ADD2: variants seen among roughly 807,000 people sequenced by gnomAD.
The protein encoded by ADD2 is beta-adducin.
Under a neutral mutation model 83.0 loss-of-function variants are expected in ADD2, and 23 were observed. The observed-to-expected ratio is 0.28, with a 90% CI of 0.20 to 0.39. ADD2 has a LOEUF of 0.39. Among genes scored for constraint, ADD2 ranks in the 10% least tolerant of loss-of-function variants. The pLI is 1.00. For synonymous variants in ADD2, 375 were observed against 375.4 expected (o/e 1.00, Z 0.01); for missense variants, 758 against 944.9 (o/e 0.80, Z 2.59).
At position 70,702,701 on chromosome 2, in the gene ADD2, GA is replaced by G. The variant is rs77903261; in HGVS notation, c.322+1619del. Among the ~76,000 whole-genome samples, 268 of 141,344 alleles carry G rather than the reference GA, an allele frequency of 1.9e-3. 1 individual carries two copies. Among genetic ancestry groups the G allele is most frequent in the South Asian group, 9.6e-3 (43 of 4,486 alleles). 92.7% of individuals were successfully genotyped at this position (141,344 alleles called of 152,430 possible). ...AAACTAAAAGACAAAGGAGAAACTG[GA>G]AAAAAAAAAAGCAATATATTTGACA... On this transcript the variant is annotated intron_variant, in intron 4 of 15. Coordinates refer to ENST00000264436, the MANE Select transcript of ADD2 (RefSeq NM_001617.4).
intron 2 of ADD2, among the ~76,000 whole-genome samples, chr2:70,710,184 C>T (rs1234457797): frequency 6.6e-6 from 1 of 152,208 alleles, no homozygotes; most frequent in Non-Finnish European, 1.5e-5. Flanking sequence ...GGCATGTGAG[C>T]CCCCTGTGCT....
chr2:70,747,852 T>C (rs539409774), intron 1 of ADD2, among the ~76,000 whole-genome samples: 1 of 152,350 alleles, frequency 6.6e-6, no homozygotes, highest in South Asian at 2.1e-4. Context: ...TCCTTTGCAC[T>C]CAATGGGATT....
intron 1 of ADD2, among the ~76,000 whole-genome samples, chr2:70,713,420 G>A (rs113083946): frequency 0.034 from 5,127 of 152,280 alleles, 267 homozygotes; most frequent in African/African-American, 0.12. Flanking sequence ...GGACCATCCA[G>A]GCCAATATGG....
intron 1 of ADD2, among the ~76,000 whole-genome samples, chr2:70,713,544 G>C (rs1672308269): frequency 6.6e-6 from 1 of 152,202 alleles, no homozygotes; most frequent in Admixed American, 6.5e-5. Flanking sequence ...CCGGGAGGTG[G>C]AGGTTGCAGT....
intron 1 of ADD2, among the ~76,000 whole-genome samples, chr2:70,725,617 T>C (rs1672950244): frequency 6.6e-6 from 1 of 151,886 alleles, no homozygotes; most frequent in South Asian, 2.1e-4. Flanking sequence ...GAGGCAGAGA[T>C]TGGAGTGAGG....
intron 4 of ADD2, among the ~76,000 whole-genome samples, chr2:70,703,810 C>T (rs894912095): frequency 6.6e-6 from 1 of 152,164 alleles, no homozygotes; most frequent in African/African-American, 2.4e-5. Flanking sequence ...AATATGAGGG[C>T]TTTAAGAACA....
In ADD2 at chr2:70,721,654, AGTGTGG is replaced by A. The variant is rs1553377406; in HGVS notation, c.-153-8476_-153-8471del. Reference sequence around the variant, plus strand: ...AAAGCCACGTGTTTTCTGGAAATCAAGTGTGGTGCACACATAATTAATAGTGACTTT... The same window carrying A: ...AAAGCCACGTGTTTTCTGGAAATCAATGCACACATAATTAATAGTGACTTT... On this transcript the variant is annotated intron_variant, in intron 1 of 15. Coordinates refer to ENST00000264436, the MANE Select transcript of ADD2 (RefSeq NM_001617.4). 3.3e-5 allele frequency among the ~76,000 whole-genome samples: 5 copies of A among 152,262 alleles called. No homozygotes were observed. In the East Asian group the frequency reaches 9.6e-4, roughly 29 times the overall value.
chr2:70,749,472 T>C (rs1000210162), intron 1 of ADD2, among the ~76,000 whole-genome samples: 6 of 152,132 alleles, frequency 3.9e-5, no homozygotes, highest in Non-Finnish European at 7.4e-5. Context: ...GGAAGTTATA[T>C]GTGTGGCAGT....
At chr2:70,760,202 T>G (rs1675008651) in intron 1 of ADD2, among the ~76,000 whole-genome samples, 1 of 152,214 alleles carries the variant, frequency 6.6e-6, no homozygotes, top group Non-Finnish European at 1.5e-5. Flanking sequence ...GGTGCCATCT[T>G]GAAACCTACA....
chr2:70,724,497 G>A (rs1015038543), intron 1 of ADD2, among the ~76,000 whole-genome samples: 16 of 151,262 alleles, frequency 1.1e-4, no homozygotes, highest in African/African-American at 3.4e-4. Flanking sequence ...ACTGCTCCCC[G>A]ACACACACTA....
chr2:70,719,181 T>A (rs1009110921), intron 1 of ADD2, among the ~76,000 whole-genome samples: 2 of 152,174 alleles, frequency 1.3e-5, no homozygotes, highest in Non-Finnish European at 2.9e-5. Context: ...CCACCTGCAC[T>A]CCCAGGGCTG....
chr2:70,678,973 A>G lies in ADD2; in HGVS notation c.1126-12T>C. 6.3e-7 allele frequency: 1 copy of G among 1,596,244 alleles called. No homozygotes were observed. Among genetic ancestry groups the G allele is most frequent in the South Asian group, 1.1e-5 (1 of 87,804 alleles). On this transcript the variant is annotated splice_polypyrimidine_tract_variant and intron_variant, in intron 10 of 15. Transcript: ENST00000264436. ...CCTGTTCTGTAGCCCTATAAAGGAC[A>G]AAAATAGAACCACTTATGGGGTGAG...
intron 9 of ADD2, among the ~76,000 whole-genome samples, chr2:70,684,484 A>T (rs1553370207): frequency 6.6e-6 from 1 of 152,168 alleles, no homozygotes; most frequent in Non-Finnish European, 1.5e-5. Context: ...CCTGGGCTCA[A>T]GCAATCTACC....
At chr2:70,712,443 C>A (rs1289230408) in intron 2 of ADD2, among the ~76,000 whole-genome samples, 99 of 123,184 alleles carry the variant, frequency 8.0e-4, no homozygotes, top group South Asian at 1.4e-3. Flanking sequence ...GACCCTGTCT[C>A]AAAAAAAATA....
At chr2:70,739,395 A>C (rs948069737) in intron 1 of ADD2, among the ~76,000 whole-genome samples, 2 of 152,378 alleles carry the variant, frequency 1.3e-5, no homozygotes, top group Admixed American at 6.5e-5. Flanking sequence ...GATACTGGCA[A>C]GGTTGCAGAG....
chr2:70,695,248 C>T (rs145507403), intron 6 of ADD2, among the ~76,000 whole-genome samples: 2 of 152,144 alleles, frequency 1.3e-5, no homozygotes, highest in Non-Finnish European at 2.9e-5. Flanking sequence ...TTTCCTCCCC[C>T]CATCTGGAAA....
chr2:70,669,716 G>A (rs1227012084), intron 15 of ADD2, among the ~76,000 whole-genome samples: 3 of 152,230 alleles, frequency 2.0e-5, no homozygotes, highest in African/African-American at 7.2e-5. Flanking sequence ...GCAGGCCTCA[G>A]GCCAAAGACT....
At chr2:70,709,064 TAA>T (rs1409680202) in intron 2 of ADD2, among the ~76,000 whole-genome samples, 1 of 152,192 alleles carries the variant, frequency 6.6e-6, no homozygotes, top group Non-Finnish European at 1.5e-5. Flanking sequence ...CAAACTCTGT[TAA>T]GTTTAATTCA....
chr2:70,724,726 C>T (rs7581585), intron 1 of ADD2, among the ~76,000 whole-genome samples: 5,884 of 152,282 alleles, frequency 0.039, 401 homozygotes, highest in African/African-American at 0.13. Flanking sequence ...GCTCCTCTGA[C>T]GCAGAGGCGA....
Sources: allele counts gnomAD v4.1 joint callset (sites outside exome capture counted in the v4.1 genomes callset), GRCh38; gene constraint gnomAD v4.1.1; transcripts MANE v1.5; gene names NCBI Gene and HGNC (gene_info 2026-07-23, HGNC 2026-07-21).